Variants in XKR9 observed in about 807,000 individuals in gnomAD.
The protein encoded by XKR9 is XK related 9.
In XKR9, 32 loss-of-function variants were observed where a neutral mutation model predicts 32.0. That is an observed-to-expected ratio of 1.00 (90% CI 0.76 to 1.34). The LOEUF is 1.34. Ranked by LOEUF, XKR9 falls within the 40% of genes most tolerant of loss-of-function variation. The pLI is 0.00. For missense variants in XKR9, 546 were observed against 429.7 expected (o/e 1.27, Z -2.39); for synonymous variants, 168 against 143.4 (o/e 1.17, Z -1.22).
At chr8:70,894,851 G>A in the XKR9 span, among the ~76,000 whole-genome samples, 1 of 152,094 alleles carries the variant, frequency 6.6e-6, no homozygotes, top group Non-Finnish European at 1.5e-5. Context: ...GCTTGGGGCT[G>A]TTGGGACACC....
At chr8:70,984,926 T>C in the XKR9 span, among the ~76,000 whole-genome samples, 133 of 152,342 alleles carry the variant, frequency 8.7e-4, no homozygotes, top group Middle Eastern at 3.4e-3. Context: ...GAATCCATAA[T>C]AACTTATTAC....
the XKR9 span, among the ~76,000 whole-genome samples, chr8:70,985,989 A>G: frequency 2.6e-5 from 4 of 152,216 alleles, no homozygotes; most frequent in African/African-American, 9.6e-5. Flanking sequence ...ACAGAGGGCA[A>G]GTAGTTAATA....
chr8:70,932,842 A>C, the XKR9 span, among the ~76,000 whole-genome samples: 1 of 152,120 alleles, frequency 6.6e-6, no homozygotes, highest in South Asian at 2.1e-4. Flanking sequence ...CTATCTCCCA[A>C]TACAGACACA....
At chr8:70,687,308 C>CT (rs1819316713) in intron 3 of XKR9, among the ~76,000 whole-genome samples, 1 of 99,104 alleles carries the variant, frequency 1.0e-5, no homozygotes, top group Non-Finnish European at 2.1e-5. Flanking sequence ...TCTTTCTCTC[C>CT]TCCCTCTTTC....
intron 2 of XKR9, among the ~76,000 whole-genome samples, chr8:70,751,464 G>A (rs1173997654): frequency 6.6e-6 from 1 of 152,154 alleles, no homozygotes; most frequent in Non-Finnish European, 1.5e-5. Context: ...ACTGGGTAAA[G>A]GGATACCCAG....
At chr8:70,703,198 A>G (rs1805600434) in intron 3 of XKR9, among the ~76,000 whole-genome samples, 1 of 150,888 alleles carries the variant, frequency 6.6e-6, no homozygotes, top group Non-Finnish European at 1.5e-5. Flanking sequence ...CTTTTCTTCT[A>G]GGATGTCAAT....
At chr8:70,779,383 G>A (rs1807583547) in intron 2 of XKR9, among the ~76,000 whole-genome samples, 1 of 152,106 alleles carries the variant, frequency 6.6e-6, no homozygotes, top group East Asian at 1.9e-4. Context: ...TCGCATCAAT[G>A]TTCATCAGGG....
the XKR9 span, among the ~76,000 whole-genome samples, chr8:71,048,289 G>C: frequency 2.0e-5 from 3 of 152,106 alleles, no homozygotes; most frequent in Admixed American, 6.5e-5. Context: ...TTCAGCCGCT[G>C]GTCTCTCAGT....
intron 3 of XKR9, among the ~76,000 whole-genome samples, chr8:70,700,967 G>A (rs1312514366): frequency 3.3e-5 from 5 of 152,178 alleles, no homozygotes; most frequent in African/African-American, 4.8e-5. Flanking sequence ...GCGAGACTCC[G>A]TGGGGCGTAG....
chr8:70,838,734 A>G, the XKR9 span, among the ~76,000 whole-genome samples: 2 of 152,128 alleles, frequency 1.3e-5, no homozygotes. Context: ...TCACAGAGTT[A>G]GCAAGTAGAC....
chr8:70,747,075 C>T (rs1463905571), intron 2 of XKR9, among the ~76,000 whole-genome samples: 3 of 152,152 alleles, frequency 2.0e-5, no homozygotes, highest in Non-Finnish European at 4.4e-5. Flanking sequence ...CATGGTTCTG[C>T]AGAGGACATG....
At chr8:70,980,140 G>C in the XKR9 span, among the ~76,000 whole-genome samples, 4 of 152,248 alleles carry the variant, frequency 2.6e-5, no homozygotes, top group Non-Finnish European at 5.9e-5. Flanking sequence ...AGGTGGAAGT[G>C]TCCTGATTTT....
chr8:70,887,862 T>C, the XKR9 span, among the ~76,000 whole-genome samples: 1 of 152,122 alleles, frequency 6.6e-6, no homozygotes, highest in Non-Finnish European at 1.5e-5. Flanking sequence ...AATCATGTCG[T>C]CTGCAAACAG....
chr8:70,786,190 TA>T (rs1362386811), intron 2 of XKR9, among the ~76,000 whole-genome samples: 2 of 152,182 alleles, frequency 1.3e-5, no homozygotes, highest in Non-Finnish European at 2.9e-5. Flanking sequence ...TTTTGTGCTC[TA>T]ACATGTGATC....
chr8:70,986,897 G>A, the XKR9 span, among the ~76,000 whole-genome samples: 5 of 152,176 alleles, frequency 3.3e-5, no homozygotes, highest in African/African-American at 4.8e-5. Context: ...CGTGGCTGTG[G>A]AAGCTTCACA....
chr8:70,822,857 G>C, the XKR9 span, among the ~76,000 whole-genome samples: 1 of 152,052 alleles, frequency 6.6e-6, no homozygotes, highest in Non-Finnish European at 1.5e-5. Flanking sequence ...AAGAATACAA[G>C]ACATTATCAG....
chr8:70,823,804 A>T, the XKR9 span, among the ~76,000 whole-genome samples: 1 of 152,158 alleles, frequency 6.6e-6, no homozygotes, highest in South Asian at 2.1e-4. Context: ...AAGAGGAACC[A>T]GAAGGCTTAT....
intron 2 of XKR9, among the ~76,000 whole-genome samples, chr8:70,767,755 C>T (rs1807398738): frequency 6.6e-6 from 1 of 152,004 alleles, no homozygotes; most frequent in East Asian, 1.9e-4. Flanking sequence ...CCTGTTTCAG[C>T]CTCCCAAAGT....
the XKR9 span, among the ~76,000 whole-genome samples, chr8:70,900,053 G>A: frequency 2.6e-5 from 4 of 151,990 alleles, no homozygotes; most frequent in Non-Finnish European, 5.9e-5. Context: ...TTGACTGGAT[G>A]CCTAAAAATG....
Sources: allele counts gnomAD v4.1 joint callset (sites outside exome capture counted in the v4.1 genomes callset), GRCh38; gene constraint gnomAD v4.1.1; transcripts MANE v1.5; gene names NCBI Gene and HGNC (gene_info 2026-07-23, HGNC 2026-07-21).